The following FRMD3 variants were observed in gnomAD, a reference collection of about 807,000 sequenced individuals.
The protein encoded by FRMD3 is FERM domain-containing protein 3.
FRMD3 carries 33 observed loss-of-function variants against 70.2 expected under a neutral mutation model. That is an observed-to-expected ratio of 0.47 (90% CI 0.36 to 0.63). The LOEUF is 0.63. Among genes scored for constraint, FRMD3 ranks in the 20% least tolerant of loss-of-function variants. The probability of loss-of-function intolerance (pLI) is 0.00; values close to 1 mark genes in which losing one functional copy is unlikely to be tolerated. For synonymous variants in FRMD3, 279 were observed against 255.9 expected, an observed-to-expected ratio of 1.09 and a Z score of -0.86; for missense variants, 632 against 711.4, an observed-to-expected ratio of 0.89 and a Z score of 1.27.
At chr9:83,545,151 T>C in the FRMD3 span, among the ~76,000 whole-genome samples, 1 of 151,988 alleles carries the variant, frequency 6.6e-6, no homozygotes, top group African/African-American at 2.4e-5. Context: ...ATTCAAGGTA[T>C]GAATGAAAAA....
chr9:83,248,341 A>C lies in FRMD3; in HGVS notation c.1371T>G (p.Pro457=), dbSNP rs748645715. 6.2e-7 allele frequency: 1 copy of C among 1,614,028 alleles called. No homozygotes were observed. Among genetic ancestry groups the C allele is most frequent in the Non-Finnish European group, 8.5e-7 (1 of 1,180,018 alleles). ...YNPSASLLPT[P]VDDDEIDMLF... is the part of the protein sequence containing the mutation. ...GCATGTCAATCTCATCGTCATCCAC[A>C]GGGGTGGGGAGCAGGCTGGCACTTG... is the stretch of plus-strand genomic sequence containing the variant. The change falls in exon 14 of 14, where the codon CCT becomes CCG. Residue 457 remains proline, a synonymous_variant. Coordinates refer to ENST00000304195, the MANE Select transcript of FRMD3 (RefSeq NM_174938.6).
chr9:83,322,194 G>A (rs901324076), intron 6 of FRMD3, among the ~76,000 whole-genome samples: 9 of 152,104 alleles, frequency 5.9e-5, no homozygotes, highest in African/African-American at 2.2e-4. Flanking sequence ...TTGCAGGGCA[G>A]TGGGCATTGT....
chr9:83,384,322 G>A (rs1356139649), intron 2 of FRMD3, among the ~76,000 whole-genome samples: 2 of 152,148 alleles, frequency 1.3e-5, no homozygotes, highest in Non-Finnish European at 2.9e-5. Context: ...CAGCTGTGAA[G>A]TAATTATCCC....
intron 2 of FRMD3, among the ~76,000 whole-genome samples, chr9:83,382,978 CT>C (rs1217796484): frequency 6.6e-6 from 1 of 152,156 alleles, no homozygotes; most frequent in African/African-American, 2.4e-5. Context: ...GTTCTCTTTC[CT>C]GTACAACTTA....
At chr9:83,515,784 C>T (rs1200286402) in intron 1 of FRMD3, among the ~76,000 whole-genome samples, 1 of 152,148 alleles carries the variant, frequency 6.6e-6, no homozygotes, top group African/African-American at 2.4e-5. Flanking sequence ...GCAGAAACCC[C>T]ACAAGCCAGA....
chr9:83,494,170 T>G (rs1239681758), intron 1 of FRMD3, among the ~76,000 whole-genome samples: 1 of 152,188 alleles, frequency 6.6e-6, no homozygotes, highest in Non-Finnish European at 1.5e-5. Context: ...CCAACCCTCA[T>G]TCTTCCTGCC....
intron 1 of FRMD3, among the ~76,000 whole-genome samples, chr9:83,412,278 T>C (rs1826301525): frequency 6.6e-6 from 1 of 152,224 alleles, no homozygotes; most frequent in African/African-American, 2.4e-5. Context: ...ATACAGTCCA[T>C]TTGTCCATTC....
intron 1 of FRMD3, among the ~76,000 whole-genome samples, chr9:83,424,787 A>T (rs1458329692): frequency 6.6e-6 from 1 of 152,234 alleles, no homozygotes; most frequent in East Asian, 1.9e-4. Context: ...TTTCCAAATG[A>T]TCCCAATTAA....
At chr9:83,564,463 G>C in the FRMD3 span, among the ~76,000 whole-genome samples, 1 of 152,184 alleles carries the variant, frequency 6.6e-6, no homozygotes, top group Non-Finnish European at 1.5e-5. Context: ...ATTAAATTCT[G>C]ATTACAACCA....
At chr9:83,297,558 T>G in intron 12 of FRMD3, 1 of 328,362 alleles carries the variant, frequency 3.0e-6, no homozygotes, top group South Asian at 2.6e-5. Flanking sequence ...TGATATGTTT[T>G]ATCATTTCCT....
intron 1 of FRMD3, among the ~76,000 whole-genome samples, chr9:83,395,619 A>G (rs1825791737): frequency 6.6e-6 from 1 of 152,178 alleles, no homozygotes; most frequent in African/African-American, 2.4e-5. Context: ...TGCTAAGGAT[A>G]ACTTTCCTTG....
rs1832018993 is a variant in FRMD3 at position 83,244,944 on chromosome 9, A to ATT, written c.*2972_*2973dup. On this transcript the variant is annotated 3_prime_UTR_variant, in exon 14 of 14. Coordinates refer to ENST00000304195, the MANE Select transcript of FRMD3 (RefSeq NM_174938.6). ...AACTTGCATTAGCACTAAAGGCAATATTGTGTGTGTATATGTATTTGCCAT... is the reference window on the plus strand; with the variant it reads ...AACTTGCATTAGCACTAAAGGCAATATTTTGTGTGTGTATATGTATTTGCCAT... The ATT allele has an allele frequency of 2.0e-6, 2 of 984,202 alleles. No individual in the cohort carries two copies. The highest frequency in any genetic ancestry group is 2.4e-6 in the Non-Finnish European group (2 of 828,942). 61.0% of individuals were successfully genotyped at this position (984,202 alleles called of 1,614,324 possible).
upstream of FRMD3, among the ~76,000 whole-genome samples, chr9:83,540,692 T>A (rs1244730483): frequency 6.6e-6 from 1 of 152,174 alleles, no homozygotes; most frequent in Admixed American, 6.5e-5. Context: ...ACTCAAAGAA[T>A]GAACTCAAGG....
In FRMD3 at chr9:83,244,983, TTATA is replaced by T. The variant is rs1832022046; in HGVS notation, c.*2931_*2934del. 12 of 980,178 alleles carry T rather than the reference TTATA, an allele frequency of 1.2e-5. No individual in the cohort carries two copies. Among genetic ancestry groups the T allele is most frequent in the African/African-American group, 1.8e-5 (1 of 57,104 alleles). 60.7% of individuals were successfully genotyped at this position (980,178 alleles called of 1,614,324 possible). ...TGTATTTGCCATATGTGTGTGTGTATTATATATATTTATTTATATCCACAAATGT... is the reference window on the plus strand; with the variant it reads ...TGTATTTGCCATATGTGTGTGTGTATTATATTTATTTATATCCACAAATGT... On this transcript the variant is annotated 3_prime_UTR_variant, in exon 14 of 14. Coordinates refer to ENST00000304195, the MANE Select transcript of FRMD3 (RefSeq NM_174938.6).
At chr9:83,279,911 A>G (rs903952418) in intron 13 of FRMD3, among the ~76,000 whole-genome samples, 1 of 152,206 alleles carries the variant, frequency 6.6e-6, no homozygotes, top group African/African-American at 2.4e-5. Flanking sequence ...GCACACGTCT[A>G]CCTATGTAAC....
chr9:83,310,392 C>A, intron 9 of FRMD3, 93 bp downstream of exon 9: 1 of 994,474 alleles, frequency 1.0e-6, no homozygotes, highest in South Asian at 1.4e-5. Context: ...AAGTCATGGT[C>A]TTTGGCGACT....
chr9:83,250,889 G>A (rs1832380887), intron 13 of FRMD3, among the ~76,000 whole-genome samples: 1 of 152,216 alleles, frequency 6.6e-6, no homozygotes, highest in South Asian at 2.1e-4. Flanking sequence ...AGGGGAAGGG[G>A]CAGCCACCAT....
At chr9:83,488,091 A>G (rs1445034821) in intron 1 of FRMD3, among the ~76,000 whole-genome samples, 1 of 152,212 alleles carries the variant, frequency 6.6e-6, no homozygotes, top group African/African-American at 2.4e-5. Flanking sequence ...TATGGATCAC[A>G]TCTGGATACA....
At chr9:83,248,922 A>G (rs1347433416) in intron 13 of FRMD3, among the ~76,000 whole-genome samples, 1 of 152,210 alleles carries the variant, frequency 6.6e-6, no homozygotes, top group African/African-American at 2.4e-5. Flanking sequence ...TTCAATGACA[A>G]TCTCTTTATT....
Sources: gnomAD v4.1 joint callset for allele counts (sites outside exome capture counted in the v4.1 genomes callset) on GRCh38, gnomAD v4.1.1 for gene constraint, MANE v1.5 for transcripts, NCBI Gene and HGNC (gene_info 2026-07-23, HGNC 2026-07-21) for gene names.